CDH20: variants seen among roughly 807,000 people sequenced by gnomAD.
The protein encoded by CDH20 is cadherin 20.
A neutral mutation model predicts 74.2 loss-of-function variants in CDH20; 29 were observed. That is an observed-to-expected ratio of 0.39 (90% confidence interval 0.29 to 0.53). The LOEUF is 0.53. Among genes scored for constraint, CDH20 ranks in the 20% least tolerant of loss-of-function variants. The probability of loss-of-function intolerance (pLI) is 0.69; values close to 1 mark genes in which losing one functional copy is unlikely to be tolerated. For synonymous variants in CDH20, 469 were observed against 405.4 expected (o/e 1.16, Z -1.88); for missense variants, 988 against 1,048.3 (o/e 0.94, Z 0.79).
intron 1 of CDH20, among the ~76,000 whole-genome samples, chr18:61,443,179 G>C (rs1426018099): frequency 3.9e-5 from 6 of 152,162 alleles, no homozygotes; most frequent in Non-Finnish European, 8.8e-5. Context: ...TGCTTGTTCA[G>C]TGAGCCCACT....
Position 61,438,875 on chromosome 18 carries a change from T to C in CDH20, c.-152-51527T>C, listed in dbSNP as rs143275953. Among the ~76,000 whole-genome samples, 1,246 of 152,146 alleles carry C rather than the reference T, an allele frequency of 8.2e-3. 10 individuals carry two copies. Among genetic ancestry groups the C allele is most frequent in the Middle Eastern group, 0.02 (6 of 294 alleles). On this transcript the variant is annotated intron_variant, in intron 1 of 11. Coordinates refer to ENST00000262717, the MANE Select transcript of CDH20 (RefSeq NM_031891.4). ...AACCCAGGTACCCATCAATGGTGGA[T>C]TGGATAAAGAAAATGTGGTACATAT...
chr18:61,337,458 T>A (rs560292112), intron 1 of CDH20, among the ~76,000 whole-genome samples: 1 of 152,336 alleles, frequency 6.6e-6, no homozygotes, highest in Non-Finnish European at 1.5e-5. Context: ...AATACTTTTT[T>A]CTCGGACATA....
In CDH20 at chr18:61,404,895, G is replaced by T. The variant is rs1912278809; in HGVS notation, c.-153+71068G>T. ...AGTCTGTTCTGGCATGCTTCTAATG[G>T]TGTCAGAATCACCTGGATCAATGAT... On this transcript the variant is annotated intron_variant, in intron 1 of 11. Transcript: ENST00000262717. The T allele has an allele frequency of 4.5e-6, 3 of 661,970 alleles. No individual in the cohort carries two copies. The African/African-American group carries it at 5.5e-5, about 12-fold the overall frequency. 41.0% of individuals were successfully genotyped at this position (661,970 alleles called of 1,614,324 possible).
intron 3 of CDH20, among the ~76,000 whole-genome samples, chr18:61,499,923 AAT>A (rs2144316795): frequency 6.6e-6 from 1 of 151,892 alleles, no homozygotes; most frequent in South Asian, 2.1e-4. Flanking sequence ...GTCTCTACTA[AAT>A]ACCCTGTCTC....
intron 11 of CDH20, among the ~76,000 whole-genome samples, chr18:61,551,836 C>T (rs1455153464): frequency 6.6e-6 from 1 of 152,134 alleles, no homozygotes; most frequent in Non-Finnish European, 1.5e-5. Flanking sequence ...AAAAGTTCGC[C>T]CTGGCCCACA....
At chr18:61,483,814 C>T (rs964638571) in intron 1 of CDH20, among the ~76,000 whole-genome samples, 1 of 152,176 alleles carries the variant, frequency 6.6e-6, no homozygotes. Context: ...TAATTACCTC[C>T]AGTTTGTAAA....
At chr18:61,434,787 A>G (rs551709132) in intron 1 of CDH20, among the ~76,000 whole-genome samples, 1 of 152,314 alleles carries the variant, frequency 6.6e-6, no homozygotes, top group South Asian at 2.1e-4. Flanking sequence ...GTATTAATAT[A>G]ACACAAATTA....
At chr18:61,390,176 C>G (rs776223834) in intron 1 of CDH20, among the ~76,000 whole-genome samples, 16 of 150,366 alleles carry the variant, frequency 1.1e-4, no homozygotes, top group Non-Finnish European at 2.4e-4. Context: ...CACCATGTAT[C>G]CCAGTACTCG....
At chr18:61,335,124 AC>A (rs1248194675) in intron 1 of CDH20, among the ~76,000 whole-genome samples, 2 of 152,088 alleles carry the variant, frequency 1.3e-5, no homozygotes, top group African/African-American at 4.8e-5. Context: ...CTATCTGCTC[AC>A]CTTCCTCAGC....
At chr18:61,371,541 G>A (rs1911039344) in intron 1 of CDH20, among the ~76,000 whole-genome samples, 1 of 151,942 alleles carries the variant, frequency 6.6e-6, no homozygotes, top group South Asian at 2.1e-4. Flanking sequence ...TAGATATAAG[G>A]AGAAAAATCT....
At chr18:61,465,246 C>T (rs767555610) in intron 1 of CDH20, among the ~76,000 whole-genome samples, 3 of 152,140 alleles carry the variant, frequency 2.0e-5, no homozygotes, top group Non-Finnish European at 4.4e-5. Context: ...TATACCCCTA[C>T]AGCTGCTAAA....
intron 4 of CDH20, among the ~76,000 whole-genome samples, chr18:61,502,017 A>G (rs753013230): frequency 6.6e-6 from 1 of 152,220 alleles, no homozygotes; most frequent in Non-Finnish European, 1.5e-5. Flanking sequence ...TGCAATATAT[A>G]CATTATAGGG....
chr18:61,467,182 A>C (rs975954361), intron 1 of CDH20, among the ~76,000 whole-genome samples: 6 of 152,164 alleles, frequency 3.9e-5, no homozygotes, highest in African/African-American at 1.4e-4. Flanking sequence ...CACTGGGGAG[A>C]CATATTGCCA....
At chr18:61,544,933 A>G in intron 9 of CDH20, 94 bp from the exon 10 acceptor site, 1 of 803,724 alleles carries the variant, frequency 1.2e-6, no homozygotes, top group Non-Finnish European at 2.2e-6. Flanking sequence ...AAGGTAAAAC[A>G]TCCCACCATC....
intron 1 of CDH20, among the ~76,000 whole-genome samples, chr18:61,465,323 A>G (rs78654619): frequency 0.011 from 1,713 of 152,328 alleles, 30 homozygotes; most frequent in African/African-American, 0.038. Context: ...CCAGCCCCCT[A>G]GCCTCTCTCA....
chr18:61,508,512 A>T (rs1316732460), intron 6 of CDH20, among the ~76,000 whole-genome samples: 2 of 74,706 alleles, frequency 2.7e-5, no homozygotes, highest in African/African-American at 1.1e-4. Context: ...AATGCCCATC[A>T]ATCAAAGAGT....
chr18:61,388,098 G>A (rs1911661585), intron 1 of CDH20, among the ~76,000 whole-genome samples: 1 of 152,184 alleles, frequency 6.6e-6, no homozygotes, highest in Non-Finnish European at 1.5e-5. Flanking sequence ...AGTTCCAGGG[G>A]AGTTCACAGG....
At chr18:61,502,525 G>A (rs1039574589) in intron 4 of CDH20, among the ~76,000 whole-genome samples, 1 of 152,168 alleles carries the variant, frequency 6.6e-6, no homozygotes, top group Non-Finnish European at 1.5e-5. Context: ...AAGGGCTCTA[G>A]GGGCTGAAGA....
chr18:61,335,758 T>A (rs966667648), intron 1 of CDH20, among the ~76,000 whole-genome samples: 1 of 152,248 alleles, frequency 6.6e-6, no homozygotes, highest in Non-Finnish European at 1.5e-5. Flanking sequence ...CTATAAAATA[T>A]GCCATTTTAA....
Sources: gnomAD v4.1 joint callset for allele counts (sites outside exome capture counted in the v4.1 genomes callset) on GRCh38, gnomAD v4.1.1 for gene constraint, MANE v1.5 for transcripts, NCBI Gene and HGNC (gene_info 2026-07-23, HGNC 2026-07-21) for gene names.